The following RCHY1 variants were observed in gnomAD, a reference collection of about 807,000 sequenced individuals.
RCHY1 encodes the protein RING finger and CHY zinc finger domain-containing protein 1.
RCHY1 carries 21 observed loss-of-function variants against 41.6 expected under a neutral mutation model. The ratio of observed to expected loss-of-function variants is 0.51; its 90% confidence interval spans 0.36 to 0.73. The LOEUF is 0.73. Among genes scored for constraint, RCHY1 ranks in the 30% least tolerant of loss-of-function variants. The probability of loss-of-function intolerance (pLI) is 0.00; values close to 1 mark genes in which losing one functional copy is unlikely to be tolerated. For missense variants in RCHY1, 265 were observed against 325.3 expected, an observed-to-expected ratio of 0.81 and a Z score of 1.43; for synonymous variants, 79 against 102.9, an observed-to-expected ratio of 0.77 and a Z score of 1.41.
intron 8 of RCHY1, among the ~76,000 whole-genome samples, chr4:75,487,552 A>T (rs1722176206): frequency 9.9e-6 from 1 of 101,132 alleles, no homozygotes; most frequent in African/African-American, 4.4e-5. Context: ...ATATATATTC[A>T]TAATATATTC....
chr4:75,486,415 T>A (rs1722008755), intron 8 of RCHY1, among the ~76,000 whole-genome samples: 1 of 152,006 alleles, frequency 6.6e-6, no homozygotes, highest in Non-Finnish European at 1.5e-5. Flanking sequence ...TTATATACTT[T>A]GGCATCTTAT....
At chr4:75,514,467 G>A (rs1042601541), upstream of RCHY1, 2 of 598,084 alleles carry the variant, frequency 3.3e-6, no homozygotes, top group East Asian at 5.7e-5. Context: ...AGGCGGAAGC[G>A]AAGGCAGACG....
intron 1 of RCHY1, among the ~76,000 whole-genome samples, chr4:75,513,433 T>A (rs1400763414): frequency 6.6e-6 from 1 of 152,192 alleles, no homozygotes; most frequent in East Asian, 1.9e-4. Context: ...CGCGATCATC[T>A]CCATTTTACA....
At chr4:75,510,913 ACT>A (rs774055446) in intron 1 of RCHY1, among the ~76,000 whole-genome samples, 4 of 152,148 alleles carry the variant, frequency 2.6e-5, no homozygotes, top group African/African-American at 4.8e-5. Flanking sequence ...ACAAAAAGAA[ACT>A]CTGGCCTCAC....
intron 3 of RCHY1, among the ~76,000 whole-genome samples, chr4:75,501,085 C>T (rs1032747459): frequency 6.6e-6 from 1 of 152,180 alleles, no homozygotes; most frequent in Admixed American, 6.5e-5. Context: ...TTTTGGCTCA[C>T]TGCAACCTCC....
intron 8 of RCHY1, among the ~76,000 whole-genome samples, chr4:75,485,847 G>T (rs1209301542): frequency 6.6e-6 from 1 of 152,198 alleles, no homozygotes; most frequent in Non-Finnish European, 1.5e-5. Context: ...ATGTGTATGT[G>T]ATAACATTTG....
intron 3 of RCHY1, among the ~76,000 whole-genome samples, chr4:75,500,127 C>CAAGGGCAACAGA (rs934055072): frequency 6.6e-6 from 1 of 152,130 alleles, no homozygotes; most frequent in African/African-American, 2.4e-5. Context: ...GGCAACAGAG[C>CAAGGGCAACAGA]AAGACCCTTT....
At chr4:75,484,155 T>C (rs1481354672) in intron 8 of RCHY1, among the ~76,000 whole-genome samples, 1 of 152,122 alleles carries the variant, frequency 6.6e-6, no homozygotes, top group Non-Finnish European at 1.5e-5. Context: ...GCATCAGAAG[T>C]GGGATTTGAA....
rs1179653026 is a variant in RCHY1 at position 75,514,176 on chromosome 4, A to G, written c.90+21T>C. ...CAACCTGACGGAAGCTTGTCAGGGA[A>G]GAGTCCATAGAAGGCGTCACCTTTA... On this transcript the variant is annotated intron_variant, in intron 1 of 8. Coordinates refer to ENST00000324439, the MANE Select transcript of RCHY1 (RefSeq NM_015436.4). 3.1e-6 allele frequency: 5 copies of G among 1,597,348 alleles called. No individual in the cohort carries two copies. In the East Asian group the frequency reaches 9.0e-5, roughly 29 times the overall value.
At chr4:75,513,938 C>G in intron 1 of RCHY1, 1 of 347,010 alleles carries the variant, frequency 2.9e-6, no homozygotes, top group Non-Finnish European at 5.1e-6. Context: ...GACGAATAAG[C>G]CCACTGGCAG....
intron 1 of RCHY1, among the ~76,000 whole-genome samples, chr4:75,510,727 T>C (rs1157334877): frequency 2.6e-5 from 4 of 152,334 alleles, no homozygotes; most frequent in Non-Finnish European, 1.5e-5. Context: ...TATTGACATA[T>C]ACCACATCAT....
intron 1 of RCHY1, among the ~76,000 whole-genome samples, chr4:75,512,757 A>G (rs1725041150): frequency 6.6e-6 from 1 of 151,838 alleles, no homozygotes; most frequent in Admixed American, 6.6e-5. Flanking sequence ...TGATCTCTCC[A>G]CTAAAACTCC....
At chr4:75,484,062 T>C (rs1299614946) in intron 8 of RCHY1, among the ~76,000 whole-genome samples, 1 of 152,208 alleles carries the variant, frequency 6.6e-6, no homozygotes, top group East Asian at 1.9e-4. Context: ...TCTATTCTGG[T>C]TCAGGGCTGC....
intron 3 of RCHY1, among the ~76,000 whole-genome samples, chr4:75,499,496 A>G (rs1302112346): frequency 6.6e-6 from 1 of 152,222 alleles, no homozygotes. Flanking sequence ...ACTATTCAAA[A>G]TAGCTGAAAT....
At chr4:75,488,644 T>C (rs184739637) in intron 8 of RCHY1, among the ~76,000 whole-genome samples, 6 of 152,310 alleles carry the variant, frequency 3.9e-5, no homozygotes, top group Non-Finnish European at 5.9e-5. Flanking sequence ...TTACCTATAA[T>C]AACCCTTCAG....
intron 7 of RCHY1, 78 bp downstream of exon 7, chr4:75,491,531 AAT>A: frequency 7.8e-7 from 1 of 1,280,994 alleles, no homozygotes; most frequent in Non-Finnish European, 1.1e-6. Flanking sequence ...TATAAGTAAC[AAT>A]GTTTGTCCAC....
intron 3 of RCHY1, among the ~76,000 whole-genome samples, chr4:75,504,061 G>C (rs533593858): frequency 6.6e-6 from 1 of 152,326 alleles, no homozygotes; most frequent in Non-Finnish European, 1.5e-5. Flanking sequence ...GGTAATATGT[G>C]TACAGAAGTA....
In RCHY1 at chr4:75,479,576, G is replaced by C. The variant is rs951252096; in HGVS notation, c.*2962C>G. On this transcript the variant is annotated 3_prime_UTR_variant, in exon 9 of 9. Transcript: ENST00000324439. ...ACATAAGCTAAAGTTAATTCATAAA[G>C]AGTTCTATGTACTGGTTAAGAAGAC... is the stretch of plus-strand genomic sequence containing the variant. The C allele has an allele frequency of 6.6e-6, 1 of 151,916 alleles. No individual in the cohort carries two copies. The highest frequency in any genetic ancestry group is 2.4e-5 in the African/African-American group (1 of 41,408). 9.4% of individuals were successfully genotyped at this position (151,916 alleles called of 1,614,324 possible). A position where few individuals can be genotyped will look rare whatever the true frequency, so the allele number is the denominator to read the frequency against.
At chr4:75,511,972 G>A (rs1297377635) in intron 1 of RCHY1, among the ~76,000 whole-genome samples, 5 of 151,950 alleles carry the variant, frequency 3.3e-5, no homozygotes, top group African/African-American at 9.7e-5. Context: ...TTCCAAGCAT[G>A]AAATTCTCTA....
Sources: gnomAD v4.1 joint callset for allele counts (sites outside exome capture counted in the v4.1 genomes callset) on GRCh38, gnomAD v4.1.1 for gene constraint, MANE v1.5 for transcripts, NCBI Gene and HGNC (gene_info 2026-07-23, HGNC 2026-07-21) for gene names.